ATP6V0A2: variants seen among roughly 807,000 people sequenced by gnomAD.
The protein encoded by ATP6V0A2 is V-type proton ATPase 116 kDa subunit a 2.
Under a neutral mutation model 104.4 loss-of-function variants are expected in ATP6V0A2, and 58 were observed. The ratio of observed to expected loss-of-function variants is 0.56; its 90% CI spans 0.45 to 0.69. ATP6V0A2 has a LOEUF of 0.69. Ranked by LOEUF, ATP6V0A2 falls within the 30% of genes least tolerant of loss-of-function variation. The probability of loss-of-function intolerance (pLI) is 0.00; values close to 1 mark genes in which losing one functional copy is unlikely to be tolerated. For synonymous variants in ATP6V0A2, 376 were observed against 397.9 expected (o/e 0.95, Z 0.65); for missense variants, 938 against 1,062.9 (o/e 0.88, Z 1.63).
chr12:123,743,978 T>C (rs1593910384), intron 10 of ATP6V0A2, 43 bp downstream of exon 10: 1 of 1,610,722 alleles, frequency 6.2e-7, no homozygotes. Flanking sequence ...CCAATGGCAT[T>C]GTTGCATTCT....
intron 1 of ATP6V0A2, among the ~76,000 whole-genome samples, chr12:123,717,428 C>T (rs1288192899): frequency 2.9e-5 from 4 of 138,378 alleles, no homozygotes; most frequent in Non-Finnish European, 4.6e-5. Context: ...ACTGTAATTT[C>T]TTTTCTTTTC....
chr12:123,720,915 C>T (rs886391132), intron 2 of ATP6V0A2, among the ~76,000 whole-genome samples: 3 of 151,890 alleles, frequency 2.0e-5, no homozygotes, highest in Admixed American at 2.0e-4. Flanking sequence ...AAACAATTTG[C>T]GTTCATTTCT....
intron 4 of ATP6V0A2, among the ~76,000 whole-genome samples, chr12:123,725,508 T>C (rs1264632533): frequency 2.0e-5 from 3 of 152,234 alleles, no homozygotes; most frequent in Non-Finnish European, 2.9e-5. Context: ...TCAGACACAG[T>C]GGCTTACACC....
chr12:123,738,715 C>T (rs1237511887), intron 9 of ATP6V0A2, among the ~76,000 whole-genome samples: 1 of 152,130 alleles, frequency 6.6e-6, no homozygotes, highest in Non-Finnish European at 1.5e-5. Flanking sequence ...TGTAATTCTT[C>T]CATGTTCCTG....
intron 9 of ATP6V0A2, chr12:123,737,815 A>G (rs1309139380): frequency 1.9e-5 from 3 of 160,658 alleles, no homozygotes; most frequent in East Asian, 1.8e-4. Flanking sequence ...AGGAGTAGAT[A>G]TTATTTTTCT....
chr12:123,746,870 T>C (rs1412581116), intron 13 of ATP6V0A2, among the ~76,000 whole-genome samples: 1 of 151,346 alleles, frequency 6.6e-6, no homozygotes, highest in Non-Finnish European at 1.5e-5. Context: ...GAGGTGGAGG[T>C]TGCAGTGAAC....
chr12:123,716,996 G>A (rs1320924392), intron 1 of ATP6V0A2, among the ~76,000 whole-genome samples: 1 of 152,066 alleles, frequency 6.6e-6, no homozygotes, highest in Non-Finnish European at 1.5e-5. Flanking sequence ...GTGGCTTCTT[G>A]TGTCTGGCTG....
At chr12:123,733,839 A>G in intron 6 of ATP6V0A2, 87 bp from the exon 7 acceptor site, 1 of 916,126 alleles carries the variant, frequency 1.1e-6, no homozygotes, top group South Asian at 1.3e-5. Context: ...GAGTGAATGA[A>G]TGAACGCTTT....
intron 16 of ATP6V0A2, 116 bp from the exon 17 acceptor site, chr12:123,752,167 C>CT: frequency 6.8e-7 from 1 of 1,463,474 alleles, no homozygotes; most frequent in East Asian, 2.3e-5. Flanking sequence ...GCCTAAAGAA[C>CT]TTTTTTATTC....
rs779485900 is a variant in ATP6V0A2, at chr12:123,748,647, A to C, written c.1797A>C (p.Gly599=). Residue 599 remains glycine, a synonymous_variant, in exon 15 of 20, where the codon GGA becomes GGC. Transcript: ENST00000330342. The stretch of plus-strand genomic sequence containing the variant: ...TTCTCTTCATGCTCTGTATCTTTGG[A>C]TACCTTATATTTATGATTTTCTACA... The part of the protein sequence containing the change: ...PELLFMLCIF[G]YLIFMIFYKW... The C allele has an allele frequency of 6.2e-7, 1 of 1,614,010 alleles. No individual in the cohort carries two copies. The highest frequency in any genetic ancestry group is 2.2e-5 in the East Asian group (1 of 44,884).
Position 123,756,908 on chromosome 12 carries a change from T to C in ATP6V0A2, c.2387T>C (p.Leu796Pro), listed in dbSNP as rs1191515167. 2 of 1,614,084 alleles carry C rather than the reference T, an allele frequency of 1.2e-6. No individual in the cohort carries two copies. Among genetic ancestry groups the C allele is most frequent in the Non-Finnish European group, 1.7e-6 (2 of 1,180,030 alleles). ...GVLLLLPVIALFAVLTIFILL... is the reference protein window; with the variant it reads ...GVLLLLPVIAPFAVLTIFILL... ...TTGCTACTGCTCCCGGTTATCGCGC[T>C]CTTTGCAGTTTTGACCATTTTCATC... The change falls in exon 19 of 20, where the codon CTC becomes CCC. Residue 796 changes from leucine (L) to proline (P), a missense_variant. By Grantham distance (98) the Leu-to-Pro change is moderately conservative. Coordinates refer to ENST00000330342, the MANE Select transcript of ATP6V0A2 (RefSeq NM_012463.4).
At chr12:123,716,470 A>G (rs752984391) in intron 1 of ATP6V0A2, among the ~76,000 whole-genome samples, 3 of 152,200 alleles carry the variant, frequency 2.0e-5, no homozygotes, top group Non-Finnish European at 2.9e-5. Context: ...ATTGAGGTGT[A>G]TGGTAGAGTT....
intron 1 of ATP6V0A2, among the ~76,000 whole-genome samples, chr12:123,717,301 C>G (rs146485422): frequency 8.3e-6 from 1 of 121,146 alleles, no homozygotes; most frequent in East Asian, 2.3e-4. Context: ...GGCAACAGAG[C>G]GAAACTCTGT....
intron 6 of ATP6V0A2, chr12:123,731,441 T>C (rs1173995911): frequency 6.6e-6 from 1 of 152,290 alleles, no homozygotes; most frequent in African/African-American, 2.4e-5. Context: ...AAGCTAGACA[T>C]GGGCGCTTTC....
Position 123,748,788 on chromosome 12 carries a change from G to A in ATP6V0A2, c.1935+3G>A. 6.2e-7 allele frequency: 1 copy of A among 1,612,146 alleles called. No homozygotes were observed. Among genetic ancestry groups the A allele is most frequent in the Middle Eastern group, 1.7e-4 (1 of 6,050 alleles). ...CAAGTGGCCTTTACACAGGGCAGGTGAGTCATCTTCCCACCCTCATGAACT... is the reference window on the plus strand; with the variant it reads ...CAAGTGGCCTTTACACAGGGCAGGTAAGTCATCTTCCCACCCTCATGAACT... On this transcript the variant is annotated splice_donor_region_variant and intron_variant, in intron 15 of 19. Transcript: ENST00000330342.
chr12:123,736,539 T>C (rs933285863), intron 8 of ATP6V0A2, among the ~76,000 whole-genome samples: 15 of 152,154 alleles, frequency 9.9e-5, no homozygotes, highest in African/African-American at 3.6e-4. Context: ...CCAGTTAACA[T>C]GGTGAGGGCA....
At chr12:123,721,060 T>C (rs1956394499) in intron 2 of ATP6V0A2, among the ~76,000 whole-genome samples, 1 of 152,170 alleles carries the variant, frequency 6.6e-6, no homozygotes, top group Admixed American at 6.5e-5. Flanking sequence ...CTTCTAAATA[T>C]TAGGCCTGAT....
chr12:123,735,481 T>C (rs1328069915), intron 7 of ATP6V0A2, 50 bp from the exon 8 acceptor site: 2 of 1,542,948 alleles, frequency 1.3e-6, no homozygotes, highest in African/African-American at 2.7e-5. Flanking sequence ...TGAACGTGTT[T>C]AGTTCTAGTG....
intron 9 of ATP6V0A2, among the ~76,000 whole-genome samples, chr12:123,737,979 A>G (rs1956572195): frequency 6.6e-6 from 1 of 152,222 alleles, no homozygotes; most frequent in Admixed American, 6.5e-5. Flanking sequence ...CGCTTTTACA[A>G]ATAGCACTAT....
Sources: allele counts gnomAD v4.1 joint callset (sites outside exome capture counted in the v4.1 genomes callset), GRCh38; gene constraint gnomAD v4.1.1; transcripts MANE v1.5; gene names NCBI Gene and HGNC (gene_info 2026-07-23, HGNC 2026-07-21).